Variants in GPR108 observed in about 807,000 individuals in gnomAD.
GPR108 encodes G protein-coupled receptor 108, also known as protein GPR108.
Under a neutral mutation model 74.3 loss-of-function variants are expected in GPR108, and 60 were observed. The observed-to-expected ratio is 0.81, with a 90% CI of 0.66 to 1.00. The LOEUF (loss-of-function observed/expected upper bound fraction) is 1.00, where lower values mean the gene tolerates loss of function less well. GPR108 is among the 50% of genes least tolerant of loss of function. The pLI is 0.00. For synonymous variants in GPR108, 311 were observed against 292.4 expected, an observed-to-expected ratio of 1.06 and a Z score of -0.65; for missense variants, 667 against 703.3, an observed-to-expected ratio of 0.95 and a Z score of 0.58.
At position 6,735,628 on chromosome 19, in the gene GPR108, T is replaced by A; in HGVS notation, c.368A>T (p.Asp123Val). Residue 123 changes from aspartate (D) to valine (V), a missense_variant, in exon 4 of 18, where the codon GAT becomes GTT. Physicochemically the swap from Asp to Val is radical, Grantham distance 152. Transcript: ENST00000264080. ...FLVLFLINTK[D>V]LQVQVRKYGE... ...CCCCCGGTCCCCAACTCACTGCAGA[T>A]CCTTGGTGTTGATGAGGAACAGGAC... 1 of 1,613,898 alleles carries A rather than the reference T, an allele frequency of 6.2e-7. No individual in the cohort carries two copies. The highest frequency in any genetic ancestry group is 1.3e-5 in the African/African-American group (1 of 74,942).
At chr19:6,736,745 A>T (rs1599549356) in intron 1 of GPR108, 34 bp from the exon 2 acceptor site, 1 of 1,612,940 alleles carries the variant, frequency 6.2e-7, no homozygotes, top group African/African-American at 1.3e-5. Context: ...GGCAGTTCAG[A>T]CCTCTTTCCG....
Position 6,734,262 on chromosome 19 carries a change from A to C in GPR108, c.420T>G (p.Phe140Leu). 2 of 1,614,070 alleles carry C rather than the reference A, an allele frequency of 1.2e-6. No individual in the cohort carries two copies. Among genetic ancestry groups the C allele is most frequent in the Non-Finnish European group, 1.7e-6 (2 of 1,180,020 alleles). ...KYGEQKTLFI[F>L]PGLLPEAPSK... ...AGGGTGCTTCCGGGAGGAGCCCGGG[A>C]AAGATAAACAACGTCTTCTGCTCTC... Residue 140 changes from phenylalanine to leucine, a missense_variant, in exon 5 of 18, where the codon TTT becomes TTG. By Grantham distance (22) the Phe-to-Leu change is conservative. Transcript: ENST00000264080.
intron 4 of GPR108, among the ~76,000 whole-genome samples, chr19:6,734,517 T>A (rs2145487779): frequency 6.6e-6 from 1 of 152,322 alleles, no homozygotes; most frequent in Admixed American, 6.5e-5. Context: ...CAGTTATTCG[T>A]CATTTCCCAT....
chr19:6,736,740 T>C, intron 1 of GPR108, 29 bp from the exon 2 acceptor site: 2 of 1,613,524 alleles, frequency 1.2e-6, no homozygotes, highest in South Asian at 1.1e-5. Flanking sequence ...GCAGAGGCAG[T>C]TCAGACCTCT....
rs778278408 is a variant in GPR108, at chr19:6,732,035, G to C, written c.1246C>G (p.Pro416Ala). Reference protein sequence around the residue: ...DLICCGAILFPVVWSIRHLQD... With the variant: ...DLICCGAILFAVVWSIRHLQD... ...GGGCAGGGTCCTCACCAGACTACGG[G>C]GAACAGGATGGCACCACAGCAGATG... Residue 416 changes from proline to alanine, a missense_variant, in exon 13 of 18, where the codon CCC (proline) becomes GCC (alanine). Pro to Ala is a conservative substitution (Grantham distance 27). Coordinates refer to ENST00000264080, the MANE Select transcript of GPR108 (RefSeq NM_001080452.2). 1 of 1,613,822 alleles carries C rather than the reference G, an allele frequency of 6.2e-7. No homozygotes were observed. The highest frequency in any genetic ancestry group is 8.5e-7 in the Non-Finnish European group (1 of 1,180,010).
chr19:6,732,004 G>A (rs760601868), intron 13 of GPR108, 21 bp downstream of exon 13: 46 of 1,613,554 alleles, frequency 2.9e-5, no homozygotes, highest in South Asian at 1.2e-4. Context: ...CAGAGCCTCA[G>A]CCCGGGGGCA....
chr19:6,732,786 A>G (rs914261668), intron 10 of GPR108: 11 of 653,864 alleles, frequency 1.7e-5, no homozygotes, highest in Non-Finnish European at 2.7e-5. Context: ...CAGCTGAACC[A>G]AGGGACAGTG....
At chr19:6,733,530 G>A (rs1330008918) in intron 8 of GPR108, 40 bp downstream of exon 8, 2 of 1,578,784 alleles carry the variant, frequency 1.3e-6, no homozygotes, top group Non-Finnish European at 8.7e-7. Flanking sequence ...GTGGCCTGCA[G>A]GGGGCGCTCC....
intron 8 of GPR108, 93 bp from the exon 9 acceptor site, chr19:6,733,394 T>C: frequency 7.1e-7 from 1 of 1,401,792 alleles, no homozygotes; most frequent in Non-Finnish European, 9.8e-7. Context: ...TCTCTCACTT[T>C]CTACTGGGCC....
rs1968439202 is a variant in GPR108, at chr19:6,732,173, G to A, written c.1126-18C>T. 2 of 1,613,130 alleles carry A rather than the reference G, an allele frequency of 1.2e-6. No individual in the cohort carries two copies. Among genetic ancestry groups the A allele is most frequent in the Non-Finnish European group, 1.7e-6 (2 of 1,179,900 alleles). On this transcript the variant is annotated intron_variant, in intron 12 of 17. Transcript: ENST00000264080. ...GCCAGGACCTGCGCAGGCGGCGGGGGTGGGTGGGCACTGCCTGGCACGCTC... is the reference window on the plus strand; with the variant it reads ...GCCAGGACCTGCGCAGGCGGCGGGGATGGGTGGGCACTGCCTGGCACGCTC...
chr19:6,735,378 C>G (rs966510691), intron 4 of GPR108: 1 of 472,988 alleles, frequency 2.1e-6, no homozygotes, highest in African/African-American at 2.0e-5. Context: ...TCAACATGTG[C>G]GAACAATTGT....
Position 6,731,751 on chromosome 19 carries a change from G to A in GPR108, c.1300+140C>T, listed in dbSNP as rs888764911. The A allele has an allele frequency of 3.2e-5, 33 of 1,021,596 alleles. No homozygotes were observed. In the African/African-American group the frequency reaches 4.2e-4, roughly 13 times the overall value. The allele number at this position is 1,021,596 out of a possible 1,614,324, so 63.3% of individuals were successfully genotyped here. ...CAGATAAAGGCATTCGGGGGAAAGA[G>A]AGGCCAGACTGGGGCATCCAGGGAG... On this transcript the variant is annotated intron_variant, in intron 14 of 17. Coordinates refer to ENST00000264080, the MANE Select transcript of GPR108 (RefSeq NM_001080452.2).
Position 6,730,270 on chromosome 19 carries a change from T to C in GPR108, c.*42A>G, listed in dbSNP as rs1177595035. 1.4e-5 allele frequency: 22 copies of C among 1,565,062 alleles called. No homozygotes were observed. The highest frequency in any genetic ancestry group is 1.9e-5 in the Non-Finnish European group (22 of 1,135,520). On this transcript the variant is annotated 3_prime_UTR_variant, in exon 18 of 18. Coordinates refer to ENST00000264080, the MANE Select transcript of GPR108 (RefSeq NM_001080452.2). ...GTGGAAGAAGGGCAGGAGTGAGAAA[T>C]GCTGGGGGAGGACGACCCTTTGGTC...
At chr19:6,734,847 A>ACAT (rs1262721013) in intron 4 of GPR108, among the ~76,000 whole-genome samples, 6 of 136,324 alleles carry the variant, frequency 4.4e-5, no homozygotes, top group Middle Eastern at 3.7e-3. Context: ...GGCCAGCCCT[A>ACAT]CATTATTATT....
chr19:6,737,223 GAGCC>G, intron 1 of GPR108: 1 of 540,094 alleles, frequency 1.9e-6, no homozygotes, highest in Middle Eastern at 4.9e-4. Context: ...CCAAGAGATG[GAGCC>G]TCGCCCCCGA....
In GPR108 at chr19:6,732,399, G is replaced by A. The variant is rs1346113996; in HGVS notation, c.1008-19C>T. 5.6e-6 allele frequency: 9 copies of A among 1,612,644 alleles called. No homozygotes were observed. The highest frequency in any genetic ancestry group is 7.6e-6 in the Non-Finnish European group (9 of 1,179,354). On this transcript the variant is annotated intron_variant, in intron 11 of 17. Coordinates refer to ENST00000264080, the MANE Select transcript of GPR108 (RefSeq NM_001080452.2). ...CTTCAGCCTGAAGGAGCAGGGGAGG[G>A]CGTGATGATGAGGTGGGGGGCCAAC...
At chr19:6,730,484 C>A in intron 17 of GPR108, 100 bp from the exon 18 acceptor site, 2 of 987,724 alleles carry the variant, frequency 2.0e-6, no homozygotes, top group Non-Finnish European at 3.2e-6. Flanking sequence ...CCCCCAACCA[C>A]AGCAGCCCTG....
At position 6,731,078 on chromosome 19, in the gene GPR108, C is replaced by T. The variant is rs368640816; in HGVS notation, c.1468G>A (p.Val490Met). ...LVEGSTLAFF[V>M]LTGYKFQPTG... ...GGCTGGAACTTGTAGCCCGTGAGCA[C>T]GAAGAAGGCCAGGGTGGAGCCCTCC... The change falls in exon 17 of 18, where the codon GTG (valine) becomes ATG (methionine). Residue 490 changes from valine to methionine, a missense_variant. By Grantham distance (21) the Val-to-Met change is conservative. Coordinates refer to ENST00000264080, the MANE Select transcript of GPR108 (RefSeq NM_001080452.2). The T allele has an allele frequency of 2.2e-5, 36 of 1,613,526 alleles. No homozygotes were observed. In the African/African-American group the frequency reaches 2.4e-4, roughly 11 times the overall value.
rs754651622 is a variant in GPR108, at chr19:6,733,837, AC to A, written c.618+7del. ...GACGGAAGGGCCGCAGGCGCTGCAA[AC>A]ACTCACACTGAAGTTGTAGGAGTTG... On this transcript the variant is annotated splice_region_variant and intron_variant, in intron 7 of 17. Coordinates refer to ENST00000264080, the MANE Select transcript of GPR108 (RefSeq NM_001080452.2). 5 of 1,613,994 alleles carry A rather than the reference AC, an allele frequency of 3.1e-6. No individual in the cohort carries two copies. Among genetic ancestry groups the A allele is most frequent in the Non-Finnish European group, 4.2e-6 (5 of 1,179,874 alleles).
Sources: allele counts gnomAD v4.1 joint callset (sites outside exome capture counted in the v4.1 genomes callset), GRCh38; gene constraint gnomAD v4.1.1; transcripts MANE v1.5; gene names NCBI Gene and HGNC (gene_info 2026-07-23, HGNC 2026-07-21).